Variants in PREP observed in about 807,000 individuals in gnomAD.
PREP encodes the protein dJ355L5.1 (prolyl endopeptidase).
In PREP, 29 loss-of-function variants were observed where a neutral mutation model predicts 87.6. The ratio of observed to expected loss-of-function variants is 0.33; its 90% CI spans 0.25 to 0.45. The LOEUF is 0.45. Ranked by LOEUF, PREP falls within the 20% of genes least tolerant of loss-of-function variation. The probability of loss-of-function intolerance (pLI) is 1.00; values close to 1 mark genes in which losing one functional copy is unlikely to be tolerated. For missense variants in PREP, 695 were observed against 886.5 expected, an observed-to-expected ratio of 0.78 and a Z score of 2.74; for synonymous variants, 337 against 328.6, an observed-to-expected ratio of 1.03 and a Z score of -0.28.
At chr6:105,338,920 T>G (rs1286635028) in intron 7 of PREP, among the ~76,000 whole-genome samples, 1 of 152,214 alleles carries the variant, frequency 6.6e-6, no homozygotes, top group East Asian at 1.9e-4. Flanking sequence ...CCACCACAGC[T>G]CAAGGAGGCC....
intron 10 of PREP, among the ~76,000 whole-genome samples, chr6:105,294,226 C>T (rs1205569070): frequency 6.6e-5 from 10 of 152,170 alleles, no homozygotes; most frequent in South Asian, 2.1e-4. Flanking sequence ...GATTCTGATA[C>T]GACAGGTCTA....
intron 2 of PREP, among the ~76,000 whole-genome samples, chr6:105,390,440 C>T (rs1397513974): frequency 3.3e-5 from 5 of 152,130 alleles, no homozygotes; most frequent in Admixed American, 2.6e-4. Context: ...TTGCCCAGGG[C>T]GGCACTCAGG....
intron 5 of PREP, among the ~76,000 whole-genome samples, chr6:105,371,946 T>C (rs1348530916): frequency 6.6e-6 from 1 of 152,238 alleles, no homozygotes; most frequent in East Asian, 1.9e-4. Flanking sequence ...TTATACTTTT[T>C]TTGTTTCCCA....
chr6:105,332,277 GGA>G (rs1452319453), intron 8 of PREP, among the ~76,000 whole-genome samples: 1 of 152,004 alleles, frequency 6.6e-6, no homozygotes, highest in African/African-American at 2.4e-5. Context: ...AGAAGCAGCT[GGA>G]ATCAGCTGCT....
At chr6:105,348,017 A>C (rs111617245) in intron 7 of PREP, among the ~76,000 whole-genome samples, 1,781 of 152,284 alleles carry the variant, frequency 0.012, 22 homozygotes, top group Non-Finnish European at 0.019. Context: ...ATTTCAACAA[A>C]TCTGTGGGCA....
intron 10 of PREP, among the ~76,000 whole-genome samples, chr6:105,311,013 C>T (rs1488403287): frequency 5.9e-5 from 9 of 152,158 alleles, no homozygotes; most frequent in Admixed American, 5.2e-4. Flanking sequence ...CCTTTTTTCT[C>T]AGCCTTCCAA....
chr6:105,356,333 C>G (rs1772100120), intron 6 of PREP, among the ~76,000 whole-genome samples: 1 of 152,134 alleles, frequency 6.6e-6, no homozygotes, highest in South Asian at 2.1e-4. Context: ...AAAGTCTTTC[C>G]CCTCTGACTT....
At chr6:105,313,374 G>A (rs548715350) in intron 10 of PREP, among the ~76,000 whole-genome samples, 34 of 152,312 alleles carry the variant, frequency 2.2e-4, no homozygotes, top group South Asian at 1.0e-3. Context: ...AGCTCCTATT[G>A]TCTCTCCTCT....
At chr6:105,287,535 G>A (rs1167643500) in intron 11 of PREP, among the ~76,000 whole-genome samples, 1 of 152,160 alleles carries the variant, frequency 6.6e-6, no homozygotes, top group Non-Finnish European at 1.5e-5. Flanking sequence ...TCACTTGAGG[G>A]CAGGCATCAT....
chr6:105,396,400 T>C (rs1470008827), intron 2 of PREP, among the ~76,000 whole-genome samples: 1 of 152,176 alleles, frequency 6.6e-6, no homozygotes, highest in African/African-American at 2.4e-5. Context: ...TGCTTGAGAC[T>C]AAAGGAAGAA....
At chr6:105,338,811 G>T (rs964229522) in intron 7 of PREP, among the ~76,000 whole-genome samples, 1 of 152,168 alleles carries the variant, frequency 6.6e-6, no homozygotes, top group African/African-American at 2.4e-5. Flanking sequence ...GTCTGAGATC[G>T]AACTGCAAGG....
At position 105,402,855 on chromosome 6, in the gene PREP, C is replaced by T. The variant is rs1420464555; in HGVS notation, c.37G>A (p.Glu13Lys). Residue 13 changes from glutamate (E) to lysine (K), a missense_variant, in exon 1 of 15, where the codon GAG becomes AAG. This residue lies in a region of PREP where 517 missense variants were observed against 620.3 expected (regional missense o/e 0.83). Transcript: ENST00000652536. The stretch of plus-strand genomic sequence containing the variant: ...GAGGCAGAGATACTTACGGCGGTCT[C>T]GTCGCGGTACACGTCGGGGTACTGA... ...SLQYPDVYRDETAVQDYHGHK... is the reference protein window; with the variant it reads ...SLQYPDVYRDKTAVQDYHGHK... 2 of 1,544,774 alleles carry T rather than the reference C, an allele frequency of 1.3e-6. No homozygotes were observed. Among genetic ancestry groups the T allele is most frequent in the South Asian group, 2.4e-5 (2 of 83,458 alleles).
intron 10 of PREP, among the ~76,000 whole-genome samples, chr6:105,318,783 T>C (rs1195725192): frequency 1.3e-5 from 2 of 152,214 alleles, no homozygotes; most frequent in Non-Finnish European, 2.9e-5. Context: ...TAAAACGTTC[T>C]GAAAATTTCT....
intron 10 of PREP, chr6:105,302,468 G>A (rs1390143987): frequency 3.3e-6 from 1 of 305,280 alleles, no homozygotes; most frequent in East Asian, 8.7e-5. Context: ...CGTTCACTGT[G>A]TACTTCTGCA....
At chr6:105,324,959 G>A (rs1159549224) in intron 9 of PREP, among the ~76,000 whole-genome samples, 1 of 152,142 alleles carries the variant, frequency 6.6e-6, no homozygotes, top group Non-Finnish European at 1.5e-5. Context: ...CATGACTCAA[G>A]TATTGACTTT....
intron 2 of PREP, among the ~76,000 whole-genome samples, chr6:105,387,475 G>A (rs1386776235): frequency 2.0e-5 from 3 of 152,032 alleles, no homozygotes; most frequent in Non-Finnish European, 4.4e-5. Context: ...CCCTGATAGT[G>A]AACCAATGGG....
intron 12 of PREP, 136 bp from the exon 13 acceptor site, chr6:105,282,718 A>G (rs1457073944): frequency 1.0e-5 from 10 of 974,118 alleles, no homozygotes; most frequent in Admixed American, 5.8e-5. Flanking sequence ...TGCATTTAAA[A>G]AAAAGCCTCA....
chr6:105,325,810 C>A (rs1771139592), intron 9 of PREP, among the ~76,000 whole-genome samples: 1 of 152,078 alleles, frequency 6.6e-6, no homozygotes, highest in African/African-American at 2.4e-5. Context: ...CAGAGTTGGT[C>A]AGGTGATCGC....
intron 10 of PREP, among the ~76,000 whole-genome samples, chr6:105,308,197 A>G (rs557708612): frequency 1.1e-4 from 16 of 152,336 alleles, no homozygotes; most frequent in African/African-American, 3.8e-4. Flanking sequence ...GATGATGTTA[A>G]AAAAGCCAAA....
Sources: gnomAD v4.1 joint callset for allele counts (sites outside exome capture counted in the v4.1 genomes callset) on GRCh38, gnomAD v4.1.1 for gene constraint, gnomAD v4.1.1 regional missense constraint, MANE v1.5 for transcripts, NCBI Gene and HGNC (gene_info 2026-07-23, HGNC 2026-07-21) for gene names.